The following AGBL4 variants were observed in gnomAD, a reference collection of about 807,000 sequenced individuals.
AGBL4 encodes the protein AGBL carboxypeptidase 4.
In AGBL4, 58 loss-of-function variants were observed where a neutral mutation model predicts 66.4. The ratio of observed to expected loss-of-function variants is 0.87; its 90% CI spans 0.71 to 1.09. The LOEUF (loss-of-function observed/expected upper bound fraction) is 1.09. Ranked by LOEUF, AGBL4 falls within the 50% of genes least tolerant of loss-of-function variation. AGBL4 has a pLI of 0.00. For missense variants in AGBL4, 579 were observed against 631.0 expected (o/e 0.92, Z 0.88); for synonymous variants, 234 against 222.9 (o/e 1.05, Z -0.44).
intron 4 of AGBL4, among the ~76,000 whole-genome samples, chr1:49,181,035 G>A (rs1399209772): frequency 1.3e-5 from 2 of 152,140 alleles, no homozygotes; most frequent in Non-Finnish European, 2.9e-5. Context: ...CCTGTTTCCA[G>A]TGGGTCTTTT....
rs10528873 is a variant in AGBL4, at chr1:49,823,778, A to ATGTGTGTGTGTGTGTG, written c.157+27602_157+27617dup. 3.3e-3 allele frequency among the ~76,000 whole-genome samples: 480 copies of ATGTGTGTGTGTGTGTG among 147,570 alleles called. 6 individuals are homozygous for ATGTGTGTGTGTGTGTG. The highest frequency in any genetic ancestry group is 7.6e-3 in the African/African-American group (303 of 39,826). On this transcript the variant is annotated intron_variant, in intron 2 of 13. Transcript: ENST00000371839. ...TCTATTCTTCCATTAAGGCTGCATAATGTGTGTGTGTGTGTGTGTGTGTGT... is the reference window on the plus strand; with the variant it reads ...TCTATTCTTCCATTAAGGCTGCATAATGTGTGTGTGTGTGTGTGTGTGTGTGTGTGTGTGTGTGTGT...
intron 2 of AGBL4, among the ~76,000 whole-genome samples, chr1:49,780,062 T>TA (rs917112490): frequency 6.6e-6 from 1 of 152,010 alleles, no homozygotes; most frequent in Non-Finnish European, 1.5e-5. Flanking sequence ...CATTCCCAGA[T>TA]AAAAATGGAG....
chr1:49,693,779 T>C lies in AGBL4; in HGVS notation c.282+3534A>G, dbSNP rs375315231. ...AAGCATATCATTTTATTTTCTCTTA[T>C]TGGCTGAACTTTTAGCATATTTAAA... On this transcript the variant is annotated intron_variant, in intron 3 of 13. Coordinates refer to ENST00000371839, the MANE Select transcript of AGBL4 (RefSeq NM_032785.4). Among the ~76,000 whole-genome samples, 52 of 152,306 alleles carry C rather than the reference T, an allele frequency of 3.4e-4. 1 individual carries two copies. In the South Asian group the frequency reaches 9.3e-3, roughly 27 times the overall value.
chr1:48,711,631 G>A (rs1039998373), intron 6 of AGBL4, among the ~76,000 whole-genome samples: 1 of 152,066 alleles, frequency 6.6e-6, no homozygotes, highest in East Asian at 1.9e-4. Flanking sequence ...TGCCTGGGTC[G>A]AGTATGGAAC....
chr1:49,935,626 C>T (rs1653911410), intron 1 of AGBL4, among the ~76,000 whole-genome samples: 1 of 152,164 alleles, frequency 6.6e-6, no homozygotes, highest in Non-Finnish European at 1.5e-5. Context: ...CCGGGTACTC[C>T]TCTGAGACAA....
At position 48,691,498 on chromosome 1, in the gene AGBL4, T is replaced by C. The variant is rs149286859; in HGVS notation, c.635-28257A>G. ...GAAAGGAGGCAGAAACCACGACAGA[T>C]GGATGTAATGTCATGAGCGTTAAGA... On this transcript the variant is annotated intron_variant, in intron 6 of 13. Coordinates refer to ENST00000371839, the MANE Select transcript of AGBL4 (RefSeq NM_032785.4). 2.0e-5 allele frequency among the ~76,000 whole-genome samples: 3 copies of C among 152,162 alleles called. No homozygotes were observed. The East Asian group carries it at 5.8e-4, about 29-fold the overall frequency.
At chr1:48,557,644 T>C (rs150226553) in intron 11 of AGBL4, among the ~76,000 whole-genome samples, 493 of 152,328 alleles carry the variant, frequency 3.2e-3, no homozygotes, top group African/African-American at 0.011. Flanking sequence ...GGGTGGATTC[T>C]GGGGTAGAAG....
At chr1:48,707,871 A>C (rs1410320519) in intron 6 of AGBL4, among the ~76,000 whole-genome samples, 1 of 152,128 alleles carries the variant, frequency 6.6e-6, no homozygotes, top group African/African-American at 2.4e-5. Flanking sequence ...GTTTGGGGCC[A>C]CATTTTTGGC....
intron 3 of AGBL4, among the ~76,000 whole-genome samples, chr1:49,639,134 A>G (rs1645732475): frequency 6.6e-6 from 1 of 152,136 alleles, no homozygotes; most frequent in Admixed American, 6.6e-5. Flanking sequence ...CTGTGAAGAT[A>G]CCTCGGCACC....
intron 3 of AGBL4, among the ~76,000 whole-genome samples, chr1:49,542,772 C>A (rs1263600089): frequency 6.6e-6 from 1 of 151,708 alleles, no homozygotes; most frequent in African/African-American, 2.4e-5. Context: ...GTGGCGTACA[C>A]CTGTGGTGCC....
intron 3 of AGBL4, among the ~76,000 whole-genome samples, chr1:49,308,991 G>C (rs1471613940): frequency 6.6e-6 from 1 of 152,090 alleles, no homozygotes; most frequent in Non-Finnish European, 1.5e-5. Flanking sequence ...GGGTACATGA[G>C]AGCTTTTGAG....
chr1:49,846,170 T>G, intron 2 of AGBL4: 1 of 1,455,074 alleles, frequency 6.9e-7, no homozygotes, highest in Non-Finnish European at 9.6e-7. Flanking sequence ...GTTCAATAAG[T>G]GTGGGAAATC....
intron 2 of AGBL4, among the ~76,000 whole-genome samples, chr1:49,774,444 G>T (rs1200976375): frequency 6.6e-6 from 1 of 152,170 alleles, no homozygotes; most frequent in Admixed American, 6.5e-5. Flanking sequence ...CCACCCTGTT[G>T]AAATATAGTT....
intron 6 of AGBL4, among the ~76,000 whole-genome samples, chr1:48,744,434 T>G (rs923030): frequency 6.6e-6 from 1 of 152,016 alleles, no homozygotes; most frequent in Non-Finnish European, 1.5e-5. Context: ...TAATTACTTA[T>G]ATTTCCCCTA....
At chr1:48,789,599 A>G (rs982148181) in intron 6 of AGBL4, among the ~76,000 whole-genome samples, 1 of 152,138 alleles carries the variant, frequency 6.6e-6, no homozygotes, top group African/African-American at 2.4e-5. Context: ...ATTTGATAGC[A>G]CTAAATGTGG....
intron 9 of AGBL4, among the ~76,000 whole-genome samples, chr1:48,613,532 C>G (rs903529776): frequency 7.9e-5 from 12 of 152,290 alleles, no homozygotes; most frequent in African/African-American, 2.9e-4. Context: ...AGTATATATA[C>G]CCACCATCTC....
At chr1:48,857,723 A>T (rs1256527006) in intron 6 of AGBL4, among the ~76,000 whole-genome samples, 2 of 152,326 alleles carry the variant, frequency 1.3e-5, no homozygotes, top group Middle Eastern at 6.8e-3. Flanking sequence ...TCTGTCTAAA[A>T]AAAAAAGAGA....
chr1:48,828,033 C>CAT (rs1372027666), intron 6 of AGBL4, among the ~76,000 whole-genome samples: 1 of 150,308 alleles, frequency 6.7e-6, no homozygotes, highest in African/African-American at 2.5e-5. Context: ...CACACACACA[C>CAT]ACACACACAC....
At chr1:49,476,435 CA>C in intron 3 of AGBL4, among the ~76,000 whole-genome samples, 1 of 151,900 alleles carries the variant, frequency 6.6e-6, no homozygotes, top group East Asian at 1.9e-4. Flanking sequence ...GATCAAATGT[CA>C]AATTTAGGTC....
Sources: allele counts gnomAD v4.1 joint callset (sites outside exome capture counted in the v4.1 genomes callset), GRCh38; gene constraint gnomAD v4.1.1; transcripts MANE v1.5; gene names NCBI Gene and HGNC (gene_info 2026-07-23, HGNC 2026-07-21).